Variants in MVP observed in about 807,000 individuals in gnomAD.
MVP encodes the protein lung resistance-related protein.
Under a neutral mutation model 83.5 loss-of-function variants are expected in MVP, and 62 were observed. That is an observed-to-expected ratio of 0.74 (90% CI 0.61 to 0.92). MVP has a LOEUF of 0.92. Ranked by LOEUF, MVP falls within the 40% of genes least tolerant of loss-of-function variation. The probability of loss-of-function intolerance (pLI) is 0.00; values close to 1 mark genes in which losing one functional copy is unlikely to be tolerated. For synonymous variants in MVP, 505 were observed against 504.1 expected (o/e 1.00, Z -0.02); for missense variants, 1,000 against 1,203.4 (o/e 0.83, Z 2.50).
rs139297686 is a variant in MVP at position 29,838,402 on chromosome 16, C to T, written c.909+1444C>T. Among the ~76,000 whole-genome samples, 1,029 of 151,052 alleles carry T rather than the reference C, an allele frequency of 6.8e-3. 17 individuals are homozygous for T. Among genetic ancestry groups the T allele is most frequent in the African/African-American group, 0.024 (973 of 41,040 alleles). ...AGTGAGCCGAGATCACACCACTGCACTCCAGCCTGGGTGACAGAGCAAGAC... is the reference window on the plus strand; with the variant it reads ...AGTGAGCCGAGATCACACCACTGCATTCCAGCCTGGGTGACAGAGCAAGAC... On this transcript the variant is annotated intron_variant, in intron 7 of 14. Coordinates refer to ENST00000357402, the MANE Select transcript of MVP (RefSeq NM_005115.5).
intron 10 of MVP, 53 bp from the exon 11 acceptor site, chr16:29,844,440 G>T: frequency 6.6e-7 from 1 of 1,514,604 alleles, no homozygotes. Context: ...CTCTTCTAAA[G>T]AGAGATTCCT....
chr16:29,835,556 A>AGGACC, intron 5 of MVP, 148 bp from the exon 6 acceptor site: 3 of 476,138 alleles, frequency 6.3e-6, no homozygotes. Flanking sequence ...AATGAATAAG[A>AGGACC]GGACCGCAGT....
intron 1 of MVP, among the ~76,000 whole-genome samples, chr16:29,828,266 AC>A (rs781378196): frequency 9.2e-5 from 14 of 152,292 alleles, no homozygotes; most frequent in Non-Finnish European, 2.1e-4. Context: ...GCCATTAGCC[AC>A]ATTTTAAGTG....
In MVP at chr16:29,836,777, G is replaced by C; in HGVS notation, c.728G>C (p.Arg243Pro). The C allele has an allele frequency of 6.2e-7, 1 of 1,612,424 alleles. No homozygotes were observed. Among genetic ancestry groups the C allele is most frequent in the Non-Finnish European group, 8.5e-7 (1 of 1,178,980 alleles). Residue 243 changes from arginine to proline, a missense_variant, in exon 7 of 15, where the codon CGC becomes CCC. Arg to Pro is a moderately radical substitution (Grantham distance 103). Transcript: ENST00000357402. ...RNFRDFRGVS[R>P]RTGEEWLVTV... is the part of the protein sequence containing the mutation. ...TTCCGGGACTTCAGGGGAGTGTCCC[G>C]CCGCACTGGGGAGGAGTGGCTGGTA...
chr16:29,826,495 T>A (rs1303031161), intron 1 of MVP, among the ~76,000 whole-genome samples: 1 of 151,788 alleles, frequency 6.6e-6, no homozygotes, highest in Non-Finnish European at 1.5e-5. Context: ...GGTGTGGCAG[T>A]ACGTATCTAC....
At chr16:29,825,002 C>T (rs2067395253) in intron 1 of MVP, among the ~76,000 whole-genome samples, 1 of 152,054 alleles carries the variant, frequency 6.6e-6, no homozygotes, top group African/African-American at 2.4e-5. Flanking sequence ...TTCGGCCTCC[C>T]AAAGTGTTGG....
intron 1 of MVP, among the ~76,000 whole-genome samples, chr16:29,826,642 G>A (rs76370279): frequency 1.4e-5 from 2 of 145,336 alleles, no homozygotes; most frequent in Non-Finnish European, 3.0e-5. Context: ...AAAAAAAAAG[G>A]CCGGGCGTGG....
chr16:29,836,717 T>C lies in MVP; in HGVS notation c.673-5T>C, dbSNP rs990847111. 1.3e-6 allele frequency: 2 copies of C among 1,559,890 alleles called. No individual in the cohort carries two copies. The highest frequency in any genetic ancestry group is 2.7e-5 in the African/African-American group (2 of 73,856). ...CACTCAAATACCCAACATGTTGCTC[T>C]GCAGACAGCCCTGCACCTCCGGGCT... On this transcript the variant is annotated splice_region_variant and splice_polypyrimidine_tract_variant and intron_variant, in intron 6 of 14. Coordinates refer to ENST00000357402, the MANE Select transcript of MVP (RefSeq NM_005115.5).
chr16:29,838,315 A>G (rs2067505234), intron 7 of MVP, among the ~76,000 whole-genome samples: 1 of 152,028 alleles, frequency 6.6e-6, no homozygotes, highest in Non-Finnish European at 1.5e-5. Context: ...AGGCACCTGT[A>G]ATCCCAGCTT....
chr16:29,846,790 T>C (rs900211450), intron 13 of MVP, among the ~76,000 whole-genome samples: 1 of 150,898 alleles, frequency 6.6e-6, no homozygotes, highest in African/African-American at 2.4e-5. Flanking sequence ...ACCCAGGAGG[T>C]GTGGAGGCTG....
chr16:29,823,886 G>A lies in MVP; in HGVS notation c.-36+3376G>A, dbSNP rs371075786. Among the ~76,000 whole-genome samples the A allele has an allele frequency of 1.7e-3, 250 of 151,284 alleles. 2 individuals carry two copies. The highest frequency in any genetic ancestry group is 5.8e-3 in the African/African-American group (240 of 41,240). On this transcript the variant is annotated intron_variant, in intron 1 of 14. Coordinates refer to ENST00000357402, the MANE Select transcript of MVP (RefSeq NM_005115.5). ...AGGGAGAACTTTTTACAATAGCAAC[G>A]GGTGAACCTCACCCAGACCAATTAA... is the stretch of plus-strand genomic sequence containing the variant.
chr16:29,843,556 G>GGAGGGAA, intron 10 of MVP, among the ~76,000 whole-genome samples: 1 of 66,352 alleles, frequency 1.5e-5, no homozygotes, highest in Non-Finnish European at 3.3e-5. Flanking sequence ...AAGGGAGGGA[G>GGAGGGAA]GGAGGGAGGG....
At position 29,833,819 on chromosome 16, in the gene MVP, G is replaced by A. The variant is rs201286806; in HGVS notation, c.408G>A (p.Lys136=). The A allele has an allele frequency of 1.4e-5, 22 of 1,614,136 alleles. No homozygotes were observed. In the East Asian group the frequency reaches 4.2e-4, roughly 31 times the overall value. ...LLDFEDKDGD[K]VVAGDEWLFE... ...ATTTTGAGGATAAAGATGGAGACAA[G>A]GTGGTGGCAGGAGATGAGTGGCTTT... Residue 136 remains lysine, a synonymous_variant, in exon 4 of 15, where the codon AAG becomes AAA. Coordinates refer to ENST00000357402, the MANE Select transcript of MVP (RefSeq NM_005115.5).
intron 1 of MVP, among the ~76,000 whole-genome samples, chr16:29,822,250 A>AG (rs2067368251): frequency 6.6e-6 from 1 of 150,894 alleles, no homozygotes; most frequent in Admixed American, 6.6e-5. Flanking sequence ...GAGTGGGAGG[A>AG]GGGAGGACAA....
At chr16:29,824,211 C>CAAAAAAAAAAAA (rs61338952) in intron 1 of MVP, among the ~76,000 whole-genome samples, 1 of 39,668 alleles carries the variant, frequency 2.5e-5, no homozygotes. Context: ...AACTCCATCT[C>CAAAAAAAAAAAA]AAAAAAAAAA....
At chr16:29,828,289 C>T (rs1567387924) in intron 1 of MVP, among the ~76,000 whole-genome samples, 1 of 152,152 alleles carries the variant, frequency 6.6e-6, no homozygotes, top group South Asian at 2.1e-4. Flanking sequence ...TCAGGAGCCA[C>T]ATGTGGATGT....
At position 29,847,336 on chromosome 16, in the gene MVP, TA is replaced by T; in HGVS notation, c.2406del (p.Ile802MetfsTer18). The T allele has an allele frequency of 6.2e-7, 1 of 1,604,986 alleles. No individual in the cohort carries two copies. Among genetic ancestry groups the T allele is most frequent in the Non-Finnish European group, 8.5e-7 (1 of 1,176,442 alleles). On this transcript the variant is annotated frameshift_variant, in exon 14 of 15. Transcript: ENST00000357402. LOFTEE classifies it low-confidence loss of function (END_TRUNC). ...AAGTTCAAGCAGATGACAGAGGCCA[TA>T]GGCCCCAGCACCATCAGGGACCTTG... ...VKKFKQMTEA[I>X]GPSTIRDLAV...
chr16:29,823,304 G>GTT (rs1294433006), intron 1 of MVP, among the ~76,000 whole-genome samples: 2 of 150,240 alleles, frequency 1.3e-5, no homozygotes, highest in Non-Finnish European at 3.0e-5. Context: ...ATTTTTTATG[G>GTT]TTTTTATAGA....
chr16:29,825,800 T>C (rs1428961252), intron 1 of MVP: 1 of 152,376 alleles, frequency 6.6e-6, no homozygotes, highest in Admixed American at 6.5e-5. Flanking sequence ...ATGAACCAAA[T>C]GGAGGCTGTT....
Sources: allele counts gnomAD v4.1 joint callset (sites outside exome capture counted in the v4.1 genomes callset), GRCh38; gene constraint gnomAD v4.1.1; transcripts MANE v1.5; gene names NCBI Gene and HGNC (gene_info 2026-07-23, HGNC 2026-07-21).